GRID1: variants seen among roughly 807,000 people sequenced by gnomAD.
GRID1 encodes the protein glutamate receptor ionotropic, delta-1.
Under a neutral mutation model 98.0 loss-of-function variants are expected in GRID1, and 28 were observed. That is an observed-to-expected ratio of 0.29 (90% CI 0.21 to 0.39). The LOEUF is 0.39. Among genes scored for constraint, GRID1 ranks in the 10% least tolerant of loss-of-function variants. The probability of loss-of-function intolerance (pLI) is 1.00; values close to 1 mark genes in which losing one functional copy is unlikely to be tolerated. For synonymous variants in GRID1, 553 were observed against 538.5 expected (o/e 1.03, Z -0.37); for missense variants, 1,111 against 1,340.5 (o/e 0.83, Z 2.67).
intron 8 of GRID1, among the ~76,000 whole-genome samples, chr10:85,806,584 A>G (rs1329017139): frequency 6.6e-6 from 1 of 150,612 alleles, no homozygotes; most frequent in East Asian, 1.9e-4. Context: ...TTGTGATAAT[A>G]TTCATATAAT....
At chr10:86,259,679 C>T (rs1456977827) in intron 2 of GRID1, among the ~76,000 whole-genome samples, 1 of 151,914 alleles carries the variant, frequency 6.6e-6, no homozygotes, top group Non-Finnish European at 1.5e-5. Context: ...TGTGTGTGTG[C>T]ACGCACATGC....
At position 85,781,995 on chromosome 10, in the gene GRID1, T is replaced by C. The variant is rs190477929; in HGVS notation, c.1234-52381A>G. Among the ~76,000 whole-genome samples, 10 of 152,336 alleles carry C rather than the reference T, an allele frequency of 6.6e-5. 1 individual carries two copies. Among genetic ancestry groups the C allele is most frequent in the Admixed American group, 4.6e-4 (7 of 15,306 alleles). Reference sequence around the variant, plus strand: ...AACAGTTTAACATTGGTTTGATCTATTTTTGTTAGTCTTTTTTGTCAAAAT... The same window carrying C: ...AACAGTTTAACATTGGTTTGATCTACTTTTGTTAGTCTTTTTTGTCAAAAT... On this transcript the variant is annotated intron_variant, in intron 8 of 15. Coordinates refer to ENST00000327946, the MANE Select transcript of GRID1 (RefSeq NM_017551.3).
intron 3 of GRID1, among the ~76,000 whole-genome samples, chr10:86,173,213 G>GT (rs1158323661): frequency 6.6e-6 from 1 of 152,054 alleles, no homozygotes; most frequent in Non-Finnish European, 1.5e-5. Flanking sequence ...AATTTTTATT[G>GT]TTTTTTGTAG....
At chr10:85,964,405 A>G (rs1842310360) in intron 4 of GRID1, among the ~76,000 whole-genome samples, 1 of 152,172 alleles carries the variant, frequency 6.6e-6, no homozygotes, top group Non-Finnish European at 1.5e-5. Context: ...ACAAAGCTAC[A>G]GTAACCAAAA....
At chr10:85,937,647 G>T (rs931803264) in intron 4 of GRID1, among the ~76,000 whole-genome samples, 1 of 152,154 alleles carries the variant, frequency 6.6e-6, no homozygotes, top group African/African-American at 2.4e-5. Flanking sequence ...TAACCCCAAT[G>T]CCTAACCCCA....
chr10:86,168,493 T>G (rs1224565770), intron 3 of GRID1, among the ~76,000 whole-genome samples: 6 of 152,134 alleles, frequency 3.9e-5, no homozygotes, highest in African/African-American at 1.4e-4. Context: ...CGGGATCCCA[T>G]GACAATCTCC....
intron 8 of GRID1, 38 bp downstream of exon 8, chr10:85,854,458 T>G: frequency 6.2e-7 from 1 of 1,606,258 alleles, no homozygotes; most frequent in Non-Finnish European, 8.5e-7. Flanking sequence ...GGTGGCACCA[T>G]AGCAGGAAGA....
chr10:85,883,920 C>T (rs541370453), intron 5 of GRID1, among the ~76,000 whole-genome samples: 2 of 152,280 alleles, frequency 1.3e-5, no homozygotes, highest in African/African-American at 4.8e-5. Context: ...ATAATCCTTA[C>T]ACTGAAGATA....
At chr10:86,256,211 T>C (rs1057510866) in intron 2 of GRID1, among the ~76,000 whole-genome samples, 1 of 152,182 alleles carries the variant, frequency 6.6e-6, no homozygotes, top group African/African-American at 2.4e-5. Flanking sequence ...CTTTCCCCTA[T>C]TGTCACCCTG....
chr10:86,199,377 G>A (rs1398430895), intron 3 of GRID1, among the ~76,000 whole-genome samples: 2 of 152,064 alleles, frequency 1.3e-5, no homozygotes, highest in African/African-American at 2.4e-5. Flanking sequence ...GGACCTTTAG[G>A]TTGTTGCTAA....
chr10:85,798,808 G>A (rs559327396), intron 8 of GRID1, among the ~76,000 whole-genome samples: 4 of 152,004 alleles, frequency 2.6e-5, no homozygotes, highest in Non-Finnish European at 5.9e-5. Context: ...TCTGCAGGTT[G>A]TCTCTTCACT....
intron 4 of GRID1, among the ~76,000 whole-genome samples, chr10:86,024,605 C>G (rs1247651472): frequency 1.3e-5 from 2 of 152,154 alleles, no homozygotes; most frequent in Non-Finnish European, 2.9e-5. Context: ...CAGATCTGAG[C>G]CAGGTGAGGG....
At chr10:86,087,141 CTATACACACT>C (rs1454214008) in intron 4 of GRID1, among the ~76,000 whole-genome samples, 3 of 152,192 alleles carry the variant, frequency 2.0e-5, no homozygotes, top group Non-Finnish European at 2.9e-5. Flanking sequence ...TTTGTAATGG[CTATACACACT>C]TATACACACT....
At chr10:86,183,595 G>C (rs1013672862) in intron 3 of GRID1, among the ~76,000 whole-genome samples, 1 of 152,196 alleles carries the variant, frequency 6.6e-6, no homozygotes, top group African/African-American at 2.4e-5. Flanking sequence ...CTGACCTCAA[G>C]TGATCCACCT....
intron 12 of GRID1, among the ~76,000 whole-genome samples, chr10:85,684,326 C>T (rs1397229972): frequency 3.3e-5 from 5 of 152,036 alleles, no homozygotes; most frequent in African/African-American, 1.2e-4. Flanking sequence ...AAACTACCAG[C>T]CAAACTTGCT....
intron 3 of GRID1, among the ~76,000 whole-genome samples, chr10:86,180,151 T>C (rs1313484010): frequency 6.6e-6 from 1 of 151,762 alleles, no homozygotes; most frequent in Non-Finnish European, 1.5e-5. Context: ...GCAGGAGAGG[T>C]GGCCGCCAGC....
At chr10:86,235,487 T>C (rs1846523174) in intron 2 of GRID1, among the ~76,000 whole-genome samples, 1 of 152,216 alleles carries the variant, frequency 6.6e-6, no homozygotes, top group Non-Finnish European at 1.5e-5. Flanking sequence ...ATCCCCACTA[T>C]CCAGTTTTAC....
At chr10:86,333,098 ATCT>A (rs113990333) in intron 2 of GRID1, among the ~76,000 whole-genome samples, 11 of 152,214 alleles carry the variant, frequency 7.2e-5, no homozygotes, top group African/African-American at 2.6e-4. Context: ...CTCCAGCCTC[ATCT>A]TCTACCAAAT....
intron 3 of GRID1, among the ~76,000 whole-genome samples, chr10:86,163,665 C>T (rs1249011272): frequency 1.3e-5 from 2 of 152,140 alleles, no homozygotes; most frequent in Admixed American, 6.5e-5. Flanking sequence ...GAGCCTTGCC[C>T]CTGCAGTTGG....
Sources: allele counts gnomAD v4.1 joint callset (sites outside exome capture counted in the v4.1 genomes callset), GRCh38; gene constraint gnomAD v4.1.1; transcripts MANE v1.5; gene names NCBI Gene and HGNC (gene_info 2026-07-23, HGNC 2026-07-21).